RBM4: variants seen among roughly 807,000 people sequenced by gnomAD.
The protein encoded by RBM4 is RNA-binding protein 4.
RBM4 carries 7 observed loss-of-function variants against 29.5 expected under a neutral mutation model. The ratio of observed to expected loss-of-function variants is 0.24; its 90% CI spans 0.14 to 0.45. The LOEUF (loss-of-function observed/expected upper bound fraction) is 0.45, where lower values mean the gene tolerates loss of function less well. RBM4 is among the 20% of genes least tolerant of loss of function. The pLI is 1.00. For missense variants in RBM4, 387 were observed against 502.3 expected, an observed-to-expected ratio of 0.77 and a Z score of 2.19; for synonymous variants, 220 against 205.4, an observed-to-expected ratio of 1.07 and a Z score of -0.61.
At chr11:66,642,512 G>A (rs945061550) in intron 2 of RBM4, among the ~76,000 whole-genome samples, 3 of 152,112 alleles carry the variant, frequency 2.0e-5, no homozygotes, top group Non-Finnish European at 4.4e-5. Context: ...TTTCCAGAAT[G>A]CAAATTTTAA....
At position 66,644,079 on chromosome 11, in the gene RBM4, G is replaced by T. The variant is rs201500941; in HGVS notation, c.1042G>T (p.Ala348Ser). 6.2e-6 allele frequency: 10 copies of T among 1,613,968 alleles called. No homozygotes were observed. Among genetic ancestry groups the T allele is most frequent in the African/African-American group, 2.7e-5 (2 of 74,908 alleles). ...AAARNSLYDM[A>S]RYEREQYADR... ...CGCGCGGAATTCTCTGTACGACATG[G>T]CCCGGTATGAGCGGGAGCAGTATGC... The change falls in exon 3 of 4, where the codon GCC (alanine) becomes TCC (serine). Residue 348 changes from alanine (A) to serine (S), a missense_variant. By Grantham distance (99) the Ala-to-Ser change is moderately conservative. Coordinates refer to ENST00000310092, the MANE Select transcript of RBM4 (RefSeq NM_002896.4).
At chr11:66,650,568 T>C (rs1019460569), downstream of RBM4, among the ~76,000 whole-genome samples, 2 of 146,568 alleles carry the variant, frequency 1.4e-5, no homozygotes, top group Non-Finnish European at 3.0e-5. Context: ...TGAAAGTCTG[T>C]CTTAATAATA....
downstream of RBM4, among the ~76,000 whole-genome samples, chr11:66,651,349 CT>C (rs750581946): frequency 4.8e-3 from 675 of 140,112 alleles, 2 homozygotes; most frequent in African/African-American, 9.8e-3. Flanking sequence ...AGAGAAAGTA[CT>C]TTTTTTTTTT....
chr11:66,662,023 C>T (rs1315661762), intron 2 of RBM4, among the ~76,000 whole-genome samples: 1 of 152,152 alleles, frequency 6.6e-6, no homozygotes, highest in Non-Finnish European at 1.5e-5. Context: ...GAGCGAGACT[C>T]CATCTCAAAA....
In RBM4 at chr11:66,646,232, A is replaced by T; in HGVS notation, c.*214A>T. On this transcript the variant is annotated 3_prime_UTR_variant, in exon 4 of 4. Transcript: ENST00000310092. ...CATTTTCCTGTTCTTCTGTCCTTCA[A>T]TACTTCTGTAGCTTCCCATTCATGT... The T allele has an allele frequency of 7.0e-7, 1 of 1,438,152 alleles. No homozygotes were observed. The highest frequency in any genetic ancestry group is 9.1e-7 in the Non-Finnish European group (1 of 1,096,828). 89.1% of individuals were successfully genotyped at this position (1,438,152 alleles called of 1,614,324 possible).
chr11:66,646,399 T>G lies in RBM4; in HGVS notation c.*381T>G. ...TCACTGCTCCAGGGTCTCTTTTTGG[T>G]CCAAAGGCTAGACCTATAGAGTTGG... is the stretch of plus-strand genomic sequence containing the variant. On this transcript the variant is annotated 3_prime_UTR_variant, in exon 4 of 4. Coordinates refer to ENST00000310092, the MANE Select transcript of RBM4 (RefSeq NM_002896.4). The G allele has an allele frequency of 8.9e-7, 1 of 1,126,014 alleles. No individual in the cohort carries two copies. The highest frequency in any genetic ancestry group is 1.1e-6 in the Non-Finnish European group (1 of 916,302). The allele number at this position is 1,126,014 out of a possible 1,614,324, so 69.8% of individuals were successfully genotyped here.
intron 2 of RBM4, among the ~76,000 whole-genome samples, chr11:66,659,501 G>A (rs1057463625): frequency 1.3e-5 from 2 of 151,644 alleles, no homozygotes; most frequent in African/African-American, 4.8e-5. Context: ...GGCTGGTCTC[G>A]AACTACCGAC....
intron 2 of RBM4, among the ~76,000 whole-genome samples, chr11:66,641,654 A>G (rs998196996): frequency 6.6e-6 from 1 of 152,088 alleles, no homozygotes; most frequent in Non-Finnish European, 1.5e-5. Flanking sequence ...TCCTTATATA[A>G]AACTCTGGGT....
chr11:66,660,561 C>CA (rs1386400275), intron 2 of RBM4, among the ~76,000 whole-genome samples: 1 of 151,782 alleles, frequency 6.6e-6, no homozygotes, highest in African/African-American at 2.4e-5. Context: ...TGGCTGGTCT[C>CA]AAACTCCAGA....
chr11:66,657,733 G>T (rs1938978605), intron 2 of RBM4, among the ~76,000 whole-genome samples: 1 of 143,478 alleles, frequency 7.0e-6, no homozygotes, highest in African/African-American at 2.6e-5. Context: ...CACCTCGCCT[G>T]CCCCCTCCCC....
chr11:66,656,294 G>A lies in RBM4; in HGVS notation c.413-9562G>A, dbSNP rs1266444838. Among the ~76,000 whole-genome samples the A allele has an allele frequency of 5.3e-5, 8 of 152,056 alleles. No homozygotes were observed. The South Asian group carries it at 1.0e-3, about 20-fold the overall frequency. On this transcript the variant is annotated intron_variant, in intron 2 of 2. Transcript: ENST00000396053. ...TGGGACTACAGGCACCTGCCACCAC[G>A]CCTGGCTAATTTTGTTTTTGTATTT...
chr11:66,642,310 G>A (rs1938502193), intron 2 of RBM4, among the ~76,000 whole-genome samples: 1 of 152,184 alleles, frequency 6.6e-6, no homozygotes, highest in African/African-American at 2.4e-5. Context: ...ACAGGTGTAT[G>A]TTTAGGTGCA....
intron 2 of RBM4, among the ~76,000 whole-genome samples, chr11:66,655,483 T>C (rs192957597): frequency 2.1e-4 from 32 of 152,268 alleles, no homozygotes; most frequent in Non-Finnish European, 4.3e-4. Context: ...GGTTTCGCTA[T>C]GTTGCCTACG....
rs1425874831 is a variant in RBM4, at chr11:66,640,205, T to C, written c.412+82T>C. ...TGGATAAGTAAAAGGAGAGGTTTGG[T>C]AAAGATAACAGCTGTTGGCTGGCTG... is the stretch of plus-strand genomic sequence containing the variant. On this transcript the variant is annotated intron_variant, in intron 2 of 3. Transcript: ENST00000310092. 3 of 1,569,292 alleles carry C rather than the reference T, an allele frequency of 1.9e-6. No individual in the cohort carries two copies. The Admixed American group carries it at 5.1e-5, about 27-fold the overall frequency.
rs752677837 is a variant in RBM4 at position 66,643,256 on chromosome 11, C to G, written c.413-194C>G. Among the ~76,000 whole-genome samples, 5 of 149,910 alleles carry G rather than the reference C, an allele frequency of 3.3e-5. No individual in the cohort carries two copies. The highest frequency in any genetic ancestry group is 5.9e-5 in the Non-Finnish European group (4 of 67,692). ...TGAAATATTTCTTCATCTAAGTGGT[C>G]TTTTCCTGAAATCAGGTCATTATAC... On this transcript the variant is annotated intron_variant, in intron 2 of 3. Coordinates refer to ENST00000310092, the MANE Select transcript of RBM4 (RefSeq NM_002896.4). The surrounding 1 kb of genome is among the most constrained non-coding windows in gnomAD (Gnocchi z 6.1).
chr11:66,663,877 C>T (rs1250557299), intron 2 of RBM4, among the ~76,000 whole-genome samples: 1 of 152,078 alleles, frequency 6.6e-6, no homozygotes, highest in Non-Finnish European at 1.5e-5. Flanking sequence ...AGTCTGTTAG[C>T]CTTTAAACTG....
intron 3 of RBM4, chr11:66,644,730 G>C: frequency 3.1e-6 from 3 of 954,600 alleles, no homozygotes; most frequent in Non-Finnish European, 3.7e-6. Context: ...GAGTTTTATA[G>C]AACTTATTTG....
intron 2 of RBM4, chr11:66,641,342 GTC>G (rs1256922758): frequency 1.3e-5 from 2 of 152,196 alleles, no homozygotes; most frequent in South Asian, 4.1e-4. Flanking sequence ...AGAGCTGAGA[GTC>G]TGATCATTAT....
chr11:66,665,817 GTGT>G, intron 2 of RBM4: 1 of 1,479,954 alleles, frequency 6.8e-7, no homozygotes. Flanking sequence ...GCTGAAGAAT[GTGT>G]TGGTGATAAA....
Sources: gnomAD v4.1 joint callset for allele counts (sites outside exome capture counted in the v4.1 genomes callset) on GRCh38, gnomAD v4.1.1 for gene constraint, Gnocchi (gnomAD v3.1) non-coding constraint, MANE v1.5 for transcripts, NCBI Gene and HGNC (gene_info 2026-07-23, HGNC 2026-07-21) for gene names.